The following C1orf87 variants were observed in gnomAD, a reference collection of about 807,000 sequenced individuals.
C1orf87 encodes uncharacterized protein C1orf87.
In C1orf87, 58 loss-of-function variants were observed where a neutral mutation model predicts 60.5. The observed-to-expected ratio is 0.96, with a 90% CI of 0.78 to 1.19. C1orf87 has a LOEUF of 1.19. Among genes scored for constraint, C1orf87 ranks in the 50% most tolerant of loss-of-function variants. C1orf87 has a pLI of 0.00. For synonymous variants in C1orf87, 236 were observed against 227.4 expected (o/e 1.04, Z -0.34); for missense variants, 673 against 638.6 (o/e 1.05, Z -0.58).
chr1:60,007,690 G>A (rs1337969126), intron 9 of C1orf87, among the ~76,000 whole-genome samples: 2 of 151,942 alleles, frequency 1.3e-5, no homozygotes, highest in African/African-American at 4.8e-5. Flanking sequence ...CTTGCCAGGA[G>A]GTTTGGCTTG....
At chr1:60,007,637 C>T (rs556007063) in intron 9 of C1orf87, among the ~76,000 whole-genome samples, 14 of 151,974 alleles carry the variant, frequency 9.2e-5, no homozygotes, top group East Asian at 1.9e-4. Flanking sequence ...TAAGAGTCTT[C>T]GAACAAATAT....
chr1:60,036,998 C>G (rs1209757288), intron 6 of C1orf87, among the ~76,000 whole-genome samples: 1 of 152,184 alleles, frequency 6.6e-6, no homozygotes, highest in Non-Finnish European at 1.5e-5. Flanking sequence ...CATTTTCACA[C>G]AGCAACCTCA....
chr1:60,007,054 G>T, intron 9 of C1orf87, among the ~76,000 whole-genome samples: 1 of 151,926 alleles, frequency 6.6e-6, no homozygotes. Flanking sequence ...TGGGACTACA[G>T]GCATGCACCT....
At chr1:60,064,637 TATG>T (rs1417706123) in intron 2 of C1orf87, among the ~76,000 whole-genome samples, 3 of 113,028 alleles carry the variant, frequency 2.7e-5, no homozygotes, top group Non-Finnish European at 5.1e-5. Context: ...TATAAATATA[TATG>T]ATATATTTTA....
chr1:60,003,327 G>T (rs568544553), intron 9 of C1orf87, among the ~76,000 whole-genome samples: 3 of 119,398 alleles, frequency 2.5e-5, no homozygotes, highest in Admixed American at 2.0e-4. Context: ...TTTGTGGGGT[G>T]GGGGGAGGGG....
At chr1:60,025,889 G>T (rs988483296) in intron 7 of C1orf87, among the ~76,000 whole-genome samples, 1 of 152,172 alleles carries the variant, frequency 6.6e-6, no homozygotes, top group Non-Finnish European at 1.5e-5. Flanking sequence ...AGCCAAACAA[G>T]CTTGTTGTAT....
intron 9 of C1orf87, among the ~76,000 whole-genome samples, chr1:60,003,711 C>G (rs1645023564): frequency 6.6e-6 from 1 of 152,022 alleles, no homozygotes; most frequent in African/African-American, 2.4e-5. Context: ...TTCTTTGAAG[C>G]CCCAGCACCC....
At chr1:60,063,970 G>C (rs1339853101) in intron 2 of C1orf87, among the ~76,000 whole-genome samples, 1 of 152,008 alleles carries the variant, frequency 6.6e-6, no homozygotes, top group Non-Finnish European at 1.5e-5. Flanking sequence ...AGTGGGCTGG[G>C]AAAGGCAGAC....
At chr1:60,005,904 C>T (rs1645041898) in intron 9 of C1orf87, among the ~76,000 whole-genome samples, 2 of 151,550 alleles carry the variant, frequency 1.3e-5, no homozygotes. Flanking sequence ...CTACCCCATC[C>T]CAGTGCACTA....
intron 9 of C1orf87, among the ~76,000 whole-genome samples, chr1:60,005,260 C>T (rs1390789729): frequency 6.6e-6 from 1 of 152,060 alleles, no homozygotes; most frequent in Non-Finnish European, 1.5e-5. Flanking sequence ...CTTTTTAAGA[C>T]AACAGAGGCA....
intron 8 of C1orf87, among the ~76,000 whole-genome samples, chr1:60,018,794 C>T (rs897881111): frequency 6.6e-6 from 1 of 152,158 alleles, no homozygotes; most frequent in African/African-American, 2.4e-5. Context: ...ATATCATAAC[C>T]TCATTATTCA....
At chr1:60,010,487 A>T (rs769958791) in intron 8 of C1orf87, 31 bp from the exon 9 acceptor site, 15 of 1,580,430 alleles carry the variant, frequency 9.5e-6, no homozygotes, top group Non-Finnish European at 1.3e-5. Flanking sequence ...TAAATTGGTG[A>T]TCAATATGAT....
intron 3 of C1orf87, among the ~76,000 whole-genome samples, chr1:60,044,985 G>C (rs964796749): frequency 6.6e-6 from 1 of 152,206 alleles, no homozygotes; most frequent in African/African-American, 2.4e-5. Flanking sequence ...GTTGGAACTT[G>C]CAAGAGTTGG....
intron 7 of C1orf87, among the ~76,000 whole-genome samples, chr1:60,027,475 C>T (rs112929533): frequency 1.5e-4 from 23 of 152,296 alleles, no homozygotes; most frequent in Non-Finnish European, 8.8e-5. Context: ...GGCCTGGCCC[C>T]GCATGGTGTG....
intron 8 of C1orf87, among the ~76,000 whole-genome samples, chr1:60,018,935 G>A (rs1453355390): frequency 6.6e-6 from 1 of 152,126 alleles, no homozygotes; most frequent in East Asian, 1.9e-4. Context: ...TAAGTTTCAT[G>A]AGGAAAGGGG....
Position 59,997,599 on chromosome 1 carries a change from C to T in C1orf87, c.1480+10G>A. The stretch of plus-strand genomic sequence containing the variant: ...AGAAACCTATGCCAGCTTTACAATT[C>T]ATACTTCACCTGTGTTACTCAGATC... On this transcript the variant is annotated intron_variant, in intron 11 of 11. Transcript: ENST00000371201. The T allele has an allele frequency of 6.2e-7, 1 of 1,613,202 alleles. No individual in the cohort carries two copies. Among genetic ancestry groups the T allele is most frequent in the Non-Finnish European group, 8.5e-7 (1 of 1,179,492 alleles).
At chr1:60,017,994 C>T (rs557083897) in intron 8 of C1orf87, among the ~76,000 whole-genome samples, 1 of 152,300 alleles carries the variant, frequency 6.6e-6, no homozygotes, top group Admixed American at 6.5e-5. Flanking sequence ...TCCCACATCA[C>T]CATAATCCCT....
chr1:60,001,016 G>A lies in C1orf87; in HGVS notation c.1272+61C>T, dbSNP rs1003706161. 2.1e-6 allele frequency: 3 copies of A among 1,396,136 alleles called. No individual in the cohort carries two copies. In the Admixed American group the frequency reaches 5.3e-5, roughly 25 times the overall value. The allele number at this position is 1,396,136 out of a possible 1,614,324, so 86.5% of individuals were successfully genotyped here. A position where few individuals can be genotyped will look rare whatever the true frequency, so the allele number is the denominator to read the frequency against. On this transcript the variant is annotated intron_variant, in intron 10 of 11. Transcript: ENST00000371201. ...CAGGAGAGAGCCCCATCCAGCATCAGAGAAAAGGCCAAGTATCCATGAAAA... is the reference window on the plus strand; with the variant it reads ...CAGGAGAGAGCCCCATCCAGCATCAAAGAAAAGGCCAAGTATCCATGAAAA...
chr1:60,064,909 A>AT (rs1645531090), intron 2 of C1orf87, among the ~76,000 whole-genome samples: 1 of 90,494 alleles, frequency 1.1e-5, no homozygotes, highest in South Asian at 3.1e-4. Flanking sequence ...CTAAATATAT[A>AT]ATATTTTATA....
Sources: allele counts gnomAD v4.1 joint callset (sites outside exome capture counted in the v4.1 genomes callset), GRCh38; gene constraint gnomAD v4.1.1; transcripts MANE v1.5; gene names NCBI Gene and HGNC (gene_info 2026-07-23, HGNC 2026-07-21).